VAV1: variants seen among roughly 807,000 people sequenced by gnomAD.
VAV1 encodes the protein vav guanine nucleotide exchange factor 1, also known as proto-oncogene vav.
A neutral mutation model predicts 128.1 loss-of-function variants in VAV1; 33 were observed. The observed-to-expected ratio is 0.26, with a 90% CI of 0.20 to 0.34. VAV1 has a LOEUF of 0.34. VAV1 is among the 10% of genes least tolerant of loss of function. The pLI, the probability that VAV1 is intolerant of heterozygous loss-of-function variation, is 1.00. For synonymous variants in VAV1, 394 were observed against 409.8 expected, an observed-to-expected ratio of 0.96 and a Z score of 0.47; for missense variants, 715 against 1,093.7, an observed-to-expected ratio of 0.65 and a Z score of 4.88.
chr19:6,778,855 T>G (rs1448303212), intron 1 of VAV1, among the ~76,000 whole-genome samples: 2 of 151,178 alleles, frequency 1.3e-5, no homozygotes, highest in Non-Finnish European at 2.9e-5. Flanking sequence ...CCTGGTAACA[T>G]AGTGAGACCC....
intron 1 of VAV1, among the ~76,000 whole-genome samples, chr19:6,812,265 G>T (rs1051897985): frequency 6.6e-6 from 1 of 152,192 alleles, no homozygotes; most frequent in African/African-American, 2.4e-5. Flanking sequence ...AGTTTGATTT[G>T]TGCTCTTGAG....
At chr19:6,783,041 G>A (rs763802344) in intron 1 of VAV1, among the ~76,000 whole-genome samples, 8 of 151,982 alleles carry the variant, frequency 5.3e-5, no homozygotes, top group Admixed American at 4.6e-4. Context: ...TTAGCCAGGC[G>A]TGGTGGTGTA....
chr19:6,804,725 CT>C (rs796763550), intron 1 of VAV1, among the ~76,000 whole-genome samples: 8,801 of 129,034 alleles, frequency 0.068, 294 homozygotes, highest in African/African-American at 0.097. Flanking sequence ...CCCATACCTC[CT>C]TTTTTTTTTT....
intron 24 of VAV1, among the ~76,000 whole-genome samples, chr19:6,851,088 C>T (rs976367988): frequency 4.0e-5 from 6 of 151,422 alleles, no homozygotes; most frequent in Admixed American, 6.6e-5. Flanking sequence ...ATTTTACTTA[C>T]GTATATATAC....
At chr19:6,811,240 C>T (rs1011017018) in intron 1 of VAV1, among the ~76,000 whole-genome samples, 2 of 152,056 alleles carry the variant, frequency 1.3e-5, no homozygotes, top group Non-Finnish European at 2.9e-5. Context: ...TTCACCATGT[C>T]GGCCAGGCTG....
Position 6,828,517 on chromosome 19 carries a change from C to T in VAV1, c.1092+30C>T, listed in dbSNP as rs765595068. On this transcript the variant is annotated intron_variant, in intron 11 of 26. Coordinates refer to ENST00000602142, the MANE Select transcript of VAV1 (RefSeq NM_005428.4). The surrounding 1 kb of genome is among the most constrained non-coding windows in gnomAD (Gnocchi z 4.5). ...GTGGGTGTAGGGTGCTGGTGACTCA[C>T]CTGCTGCAGACACCCTCCTGGTAGG... 1.5e-5 allele frequency: 24 copies of T among 1,613,856 alleles called. No homozygotes were observed. The highest frequency in any genetic ancestry group is 8.0e-5 in the African/African-American group (6 of 74,892).
At chr19:6,783,284 T>G (rs1179347440) in intron 1 of VAV1, among the ~76,000 whole-genome samples, 1 of 152,136 alleles carries the variant, frequency 6.6e-6, no homozygotes, top group Non-Finnish European at 1.5e-5. Flanking sequence ...ATGTCACAAT[T>G]CAGTTTGGGT....
chr19:6,853,914 G>T, intron 25 of VAV1, 33 bp from the exon 26 acceptor site: 1 of 1,599,674 alleles, frequency 6.3e-7, no homozygotes, highest in South Asian at 1.1e-5. Context: ...ATCTGCCCCA[G>T]ACCCTTTTCT....
At chr19:6,810,988 T>C (rs998653783) in intron 1 of VAV1, among the ~76,000 whole-genome samples, 4 of 152,242 alleles carry the variant, frequency 2.6e-5, no homozygotes, top group Non-Finnish European at 4.4e-5. Context: ...TGTCCTCATC[T>C]GGAACGGAGG....
chr19:6,833,426 G>T (rs1013298004), intron 16 of VAV1, 102 bp from the exon 17 acceptor site: 8 of 1,395,086 alleles, frequency 5.7e-6, no homozygotes, highest in Non-Finnish European at 7.8e-6. Context: ...TCACTCTCCT[G>T]ATCTAAAGAG....
rs540358521 is a variant in VAV1, at chr19:6,777,914, C to T, written c.204+4903C>T. On this transcript the variant is annotated intron_variant, in intron 1 of 26. Transcript: ENST00000602142. This position sits in a 1 kb window ranked among gnomAD's most constrained non-coding sequence, Gnocchi z 4.4. Reference sequence around the variant, plus strand: ...CTCCCAGGTTCAAGCAATTCTCCTGCAGCAGCCTCCTGAGTATCTGGGATT... The same window carrying T: ...CTCCCAGGTTCAAGCAATTCTCCTGTAGCAGCCTCCTGAGTATCTGGGATT... Among the ~76,000 whole-genome samples the T allele has an allele frequency of 2.5e-3, 378 of 152,172 alleles. 2 individuals carry two copies. Among genetic ancestry groups the T allele is most frequent in the African/African-American group, 8.7e-3 (363 of 41,526 alleles).
intron 1 of VAV1, among the ~76,000 whole-genome samples, chr19:6,801,492 C>T (rs1160863854): frequency 6.6e-6 from 1 of 152,070 alleles, no homozygotes; most frequent in African/African-American, 2.4e-5. Flanking sequence ...TAGGATGAGG[C>T]GTGCACACTC....
At chr19:6,790,439 A>T (rs1426493836) in intron 1 of VAV1, among the ~76,000 whole-genome samples, 4 of 152,174 alleles carry the variant, frequency 2.6e-5, no homozygotes. Flanking sequence ...ATAATCCTAG[A>T]GGCCAGAGGT....
chr19:6,833,116 T>C, intron 15 of VAV1, 68 bp from the exon 16 acceptor site: 1 of 1,364,144 alleles, frequency 7.3e-7, no homozygotes, highest in Admixed American at 2.2e-5. Context: ...CATGGAATAG[T>C]ATTCAGCCAT....
intron 25 of VAV1, 99 bp from the exon 26 acceptor site, chr19:6,853,848 C>T: frequency 6.8e-7 from 1 of 1,476,050 alleles, no homozygotes; most frequent in Non-Finnish European, 9.1e-7. Flanking sequence ...CACTGAGGAG[C>T]CCTTTATCCT....
intron 23 of VAV1, among the ~76,000 whole-genome samples, chr19:6,849,181 G>A (rs1315403914): frequency 6.6e-6 from 1 of 150,436 alleles, no homozygotes; most frequent in African/African-American, 2.4e-5. Context: ...TTGGGGCCAT[G>A]AATGATCCCA....
In VAV1 at chr19:6,826,679, G is replaced by A. The variant is rs865782015; in HGVS notation, c.895G>A (p.Ala299Thr). 3.8e-6 allele frequency: 6 copies of A among 1,558,938 alleles called. No individual in the cohort carries two copies. The highest frequency in any genetic ancestry group is 1.9e-5 in the Admixed American group (1 of 52,380). The change falls in exon 9 of 27, where the codon GCA becomes ACA. Residue 299 changes from alanine (A) to threonine (T), a missense_variant. Ala to Thr is a moderately conservative substitution (Grantham distance 58). Coordinates refer to ENST00000602142, the MANE Select transcript of VAV1 (RefSeq NM_005428.4). The surrounding 1 kb of genome is among the most constrained non-coding windows in gnomAD (Gnocchi z 4.1). ...CAGCAAACACCTGGACCGTGTGGCC[G>A]CAGCCCGGGAGGACGTGCAGATGAA... is the stretch of plus-strand genomic sequence containing the variant. ...SASKHLDRVAAAREDVQMKLE... is the reference protein window; with the variant it reads ...SASKHLDRVATAREDVQMKLE...
chr19:6,798,902 C>A (rs1971201619), intron 1 of VAV1, among the ~76,000 whole-genome samples: 2 of 143,024 alleles, frequency 1.4e-5, no homozygotes, highest in East Asian at 2.2e-4. Flanking sequence ...TTTCCTCCAT[C>A]CCACCCCTCC....
intron 14 of VAV1, among the ~76,000 whole-genome samples, 195 bp from the exon 15 acceptor site, chr19:6,831,896 G>A (rs181341839): frequency 9.2e-5 from 14 of 152,028 alleles, no homozygotes; most frequent in East Asian, 5.8e-4. Flanking sequence ...GCACGCCTGC[G>A]TATGTGGTTT....
Sources: allele counts gnomAD v4.1 joint callset (sites outside exome capture counted in the v4.1 genomes callset), GRCh38; gene constraint gnomAD v4.1.1; non-coding constraint Gnocchi (gnomAD v3.1); transcripts MANE v1.5; gene names NCBI Gene and HGNC (gene_info 2026-07-23, HGNC 2026-07-21).